PCDH11X: variants seen among roughly 807,000 people sequenced by gnomAD.
The protein encoded by PCDH11X is protocadherin 11 X-linked.
In PCDH11X, 18 loss-of-function variants were observed where a neutral mutation model predicts 53.3. That is an observed-to-expected ratio of 0.34 (90% CI 0.23 to 0.50). PCDH11X has a LOEUF of 0.50. PCDH11X is among the 20% of genes least tolerant of loss of function. PCDH11X has a pLI of 0.98. For missense variants in PCDH11X, 570 were observed against 1,032.4 expected, an observed-to-expected ratio of 0.55 and a Z score of 6.14; for synonymous variants, 279 against 393.3, an observed-to-expected ratio of 0.71 and a Z score of 3.44.
chrX:92,409,144 G>A (rs1048782768), intron 9 of PCDH11X, among the ~76,000 whole-genome samples: 5 of 105,346 alleles, frequency 4.7e-5, no homozygotes, highest in African/African-American at 1.4e-4. Flanking sequence ...TTGCTAGCAT[G>A]ACTTCTCTTG....
intron 6 of PCDH11X, among the ~76,000 whole-genome samples, chrX:91,930,757 T>C (rs760210204): frequency 9.8e-6 from 1 of 102,328 alleles, no homozygotes; most frequent in South Asian, 4.7e-4. Flanking sequence ...TTGTGTTTAC[T>C]TGGAAGTACA....
intron 6 of PCDH11X, among the ~76,000 whole-genome samples, chrX:92,121,384 G>A (rs1057208442): frequency 1.8e-5 from 2 of 111,598 alleles, no homozygotes; most frequent in African/African-American, 6.5e-5. Context: ...TCGAACTCCT[G>A]ACCTCAGGTG....
At chrX:92,252,006 T>G in intron 7 of PCDH11X, among the ~76,000 whole-genome samples, 1 of 111,416 alleles carries the variant, frequency 9.0e-6, no homozygotes, top group Admixed American at 9.6e-5. Flanking sequence ...TCTGATAAAT[T>G]TGTTCTTTTA....
At chrX:91,923,906 GA>G (rs1462228644) in intron 6 of PCDH11X, among the ~76,000 whole-genome samples, 2 of 110,415 alleles carry the variant, frequency 1.8e-5, no homozygotes, top group African/African-American at 6.6e-5. Context: ...GGGGGGAGCT[GA>G]AAAACTACCA....
At chrX:92,484,086 C>CTG (rs370267882) in intron 10 of PCDH11X, among the ~76,000 whole-genome samples, 32,840 of 77,733 alleles carry the variant, frequency 0.42, 5,347 homozygotes, top group East Asian at 0.65. Context: ...AAGAAAATCT[C>CTG]TGTGTGTGTG....
At chrX:92,541,150 C>T (rs1314990990) in intron 10 of PCDH11X, among the ~76,000 whole-genome samples, 2 of 108,791 alleles carry the variant, frequency 1.8e-5, no homozygotes, top group East Asian at 5.8e-4. Flanking sequence ...CCTACACTGC[C>T]TTTCAGGTTT....
chrX:92,355,985 G>A (rs967518175), intron 8 of PCDH11X, among the ~76,000 whole-genome samples: 2 of 110,993 alleles, frequency 1.8e-5, no homozygotes, highest in Admixed American at 9.6e-5. Flanking sequence ...GTACAGCCTC[G>A]TACTTCAGCT....
At chrX:92,320,112 T>C (rs751203256) in intron 8 of PCDH11X, among the ~76,000 whole-genome samples, 15 of 111,959 alleles carry the variant, frequency 1.3e-4, no homozygotes, top group African/African-American at 4.5e-4. Flanking sequence ...CTTCTACACA[T>C]TGAAACAAAG....
chrX:92,252,097 T>G (rs1308624777), intron 7 of PCDH11X, among the ~76,000 whole-genome samples: 1 of 111,420 alleles, frequency 9.0e-6, no homozygotes, highest in Non-Finnish European at 1.9e-5. Flanking sequence ...GTTATTATTA[T>G]TACATTTACC....
chrX:92,348,918 A>C (rs2755398), intron 8 of PCDH11X, among the ~76,000 whole-genome samples: 2 of 104,115 alleles, frequency 1.9e-5, no homozygotes, highest in East Asian at 5.9e-4. Flanking sequence ...AGCAGTCAAA[A>C]TTTTCTGCAC....
At chrX:91,784,709 G>A (rs1478987764) in intron 1 of PCDH11X, among the ~76,000 whole-genome samples, 4 of 111,151 alleles carry the variant, frequency 3.6e-5, no homozygotes, top group Admixed American at 1.9e-4. Context: ...GCTCTATCTC[G>A]CTTCTTTTTC....
chrX:92,288,001 C>T, intron 8 of PCDH11X: 1 of 515,267 alleles, frequency 1.9e-6, no homozygotes, highest in Non-Finnish European at 3.5e-6. Flanking sequence ...TCTGCCATGA[C>T]CGTAAGTTTC....
chrX:91,931,127 G>GGTGTGT (rs199653186), intron 6 of PCDH11X, among the ~76,000 whole-genome samples: 1,627 of 98,846 alleles, frequency 0.016, 32 homozygotes, highest in African/African-American at 0.058. Context: ...AAGCTTTAGT[G>GGTGTGT]GTGTGTGTGT....
intron 6 of PCDH11X, among the ~76,000 whole-genome samples, chrX:92,138,340 G>C (rs776156393): frequency 9.1e-6 from 1 of 110,161 alleles, no homozygotes; most frequent in East Asian, 2.9e-4. Context: ...TTTTTTTAAT[G>C]GTATGTTATG....
chrX:92,469,784 CA>C lies in PCDH11X; in HGVS notation c.3367+1464del, dbSNP rs1349089474. On this transcript the variant is annotated intron_variant, in intron 10 of 10. Transcript: ENST00000682573. ...CTATATGTCTGTTTTTATGCCAGTA[CA>C]ATACTATTTTGGTTAGTATAGCTCT... 2.5e-3 allele frequency among the ~76,000 whole-genome samples: 274 copies of C among 111,012 alleles called. 1 individual carries two copies. The highest frequency in any genetic ancestry group is 8.5e-3 in the African/African-American group (262 of 30,702).
At chrX:92,151,157 G>T (rs1431570921) in intron 6 of PCDH11X, among the ~76,000 whole-genome samples, 1 of 108,499 alleles carries the variant, frequency 9.2e-6, no homozygotes, top group Non-Finnish European at 1.9e-5. Context: ...GTCATTTCTA[G>T]TTTGCTTAGA....
chrX:92,536,812 A>G (rs1028357242), intron 10 of PCDH11X, among the ~76,000 whole-genome samples: 5 of 109,384 alleles, frequency 4.6e-5, no homozygotes, highest in Non-Finnish European at 7.6e-5. Context: ...TGTATGCCAC[A>G]ATGCTAGGAT....
At chrX:92,110,619 T>C (rs1009430617) in intron 6 of PCDH11X, among the ~76,000 whole-genome samples, 3 of 111,464 alleles carry the variant, frequency 2.7e-5, no homozygotes, top group African/African-American at 9.8e-5. Flanking sequence ...CAATCAGCTA[T>C]GCATTTTTGT....
Position 91,878,142 on chromosome X carries a change from A to G in PCDH11X, c.1902A>G (p.Glu634=), listed in dbSNP as rs1939712235. The G allele has an allele frequency of 8.3e-7, 1 of 1,205,320 alleles. No homozygotes were observed. The highest frequency in any genetic ancestry group is 1.8e-5 in the African/African-American group (1 of 56,722). ...VIRPNISFDR[E]KQESYTFYVK... is the part of the protein sequence containing the mutation. Reference sequence around the variant, plus strand: ...GACCAAATATTTCATTTGATAGAGAAAAACAAGAATCTTACACTTTCTATG... The same window carrying G: ...GACCAAATATTTCATTTGATAGAGAGAAACAAGAATCTTACACTTTCTATG... Residue 634 remains glutamate (E), a synonymous_variant, in exon 6 of 11, where the codon GAA becomes GAG. Coordinates refer to ENST00000682573, the MANE Select transcript of PCDH11X (RefSeq NM_032968.5).
Sources: gnomAD v4.1 joint callset for allele counts (sites outside exome capture counted in the v4.1 genomes callset) on GRCh38, gnomAD v4.1.1 for gene constraint, MANE v1.5 for transcripts, NCBI Gene and HGNC (gene_info 2026-07-23, HGNC 2026-07-21) for gene names.